The following SMCR8 variants were observed in gnomAD, a reference collection of about 807,000 sequenced individuals.
The protein encoded by SMCR8 is guanine nucleotide exchange protein SMCR8.
SMCR8 carries 30 observed loss-of-function variants against 56.6 expected under a neutral mutation model. That is an observed-to-expected ratio of 0.53 (90% CI 0.40 to 0.72). The LOEUF (loss-of-function observed/expected upper bound fraction) is 0.72. SMCR8 is among the 30% of genes least tolerant of loss of function. The pLI, the probability that SMCR8 is intolerant of heterozygous loss-of-function variation, is 0.00. For synonymous variants in SMCR8, 538 were observed against 456.0 expected (o/e 1.18, Z -2.29); for missense variants, 1,198 against 1,157.0 (o/e 1.04, Z -0.51).
rs1982539250 is a variant in SMCR8, at chr17:18,322,775, G to A, written c.2519G>A (p.Gly840Asp). The change falls in exon 2 of 2, where the codon GGC (glycine) becomes GAC (aspartate). Residue 840 changes from glycine to aspartate, a missense_variant. Gly to Asp is a moderately conservative substitution (Grantham distance 94). Transcript: ENST00000406438. ...LADHRTQIKR[G>D]STYYLHVQSM... is the part of the protein sequence containing the mutation. ...GACCACCGCACACAGATCAAGCGGG[G>A]CAGCACCTACTACCTGCATGTCCAG... 2 of 1,614,044 alleles carry A rather than the reference G, an allele frequency of 1.2e-6. No homozygotes were observed. The highest frequency in any genetic ancestry group is 1.7e-5 in the Admixed American group (1 of 60,012).
chr17:18,323,025 C>G lies in SMCR8; in HGVS notation c.2769C>G (p.Pro923=), dbSNP rs568885274. Residue 923 remains proline, a synonymous_variant, in exon 2 of 2, where the codon CCC becomes CCG. Transcript: ENST00000406438. The part of the protein sequence containing the change: ...YMQESPGTSH[P]MLRFDYVPSF... The stretch of plus-strand genomic sequence containing the variant: ...AGGAATCTCCAGGGACCAGCCACCC[C>G]ATGCTCAGGTTTGACTATGTCCCCA... 3.7e-6 allele frequency: 6 copies of G among 1,614,054 alleles called. No homozygotes were observed. The highest frequency in any genetic ancestry group is 5.1e-6 in the Non-Finnish European group (6 of 1,180,022).
chr17:18,315,763 C>T lies in SMCR8; in HGVS notation c.-27C>T, dbSNP rs759154372. The T allele has an allele frequency of 3.9e-6, 6 of 1,549,270 alleles. No individual in the cohort carries two copies. The South Asian group carries it at 7.3e-5, about 19-fold the overall frequency. Reference sequence around the variant, plus strand: ...CACCGCATTCTTTCCCACTTCCTCTCAATGTTTTCTTCATATATCTGGAAA... The same window carrying T: ...CACCGCATTCTTTCCCACTTCCTCTTAATGTTTTCTTCATATATCTGGAAA... On this transcript the variant is annotated 5_prime_UTR_variant, in exon 1 of 2. Coordinates refer to ENST00000406438, the MANE Select transcript of SMCR8 (RefSeq NM_144775.3).
chr17:18,325,516 T>C lies in SMCR8; in HGVS notation c.*2446T>C, dbSNP rs1173063616. 2.0e-5 allele frequency: 3 copies of C among 152,214 alleles called. No homozygotes were observed. Among genetic ancestry groups the C allele is most frequent in the Non-Finnish European group, 4.4e-5 (3 of 68,040 alleles). The allele number at this position is 152,214 out of a possible 1,614,324, so 9.4% of individuals were successfully genotyped here. ...GACTAGTGTTTAGCTCCCAGATTTATATTTGGGTTAAAAACTAACTTTTCA... is the reference window on the plus strand; with the variant it reads ...GACTAGTGTTTAGCTCCCAGATTTACATTTGGGTTAAAAACTAACTTTTCA... On this transcript the variant is annotated 3_prime_UTR_variant, in exon 2 of 2. Coordinates refer to ENST00000406438, the MANE Select transcript of SMCR8 (RefSeq NM_144775.3).
Position 18,326,099 on chromosome 17 carries a change from G to C in SMCR8, c.*3029G>C, listed in dbSNP as rs375472343. ...ATTTTTCATTTGAGGTATTCTTCCA[G>C]TAGAAGGTTAGTAAGTTTTTAATGA... On this transcript the variant is annotated 3_prime_UTR_variant, in exon 2 of 2. Transcript: ENST00000406438. The C allele has an allele frequency of 6.6e-6, 1 of 152,234 alleles. No individual in the cohort carries two copies. Among genetic ancestry groups the C allele is most frequent in the East Asian group, 1.9e-4 (1 of 5,190 alleles). 9.4% of individuals were successfully genotyped at this position (152,234 alleles called of 1,614,324 possible).
In SMCR8 at chr17:18,317,537, C is replaced by T. The variant is rs776635390; in HGVS notation, c.1748C>T (p.Ser583Phe). 2.6e-5 allele frequency: 42 copies of T among 1,614,006 alleles called. No homozygotes were observed. Among genetic ancestry groups the T allele is most frequent in the Non-Finnish European group, 3.4e-5 (40 of 1,180,042 alleles). ...GAAAACACCCCATCACAAATAGACT[C>T]CTCCTGCTGTATTGGGAAGGAGAGC... The part of the protein sequence containing the change: ...SIENTPSQID[S>F]SCCIGKESDG... Residue 583 changes from serine to phenylalanine, a missense_variant, in exon 1 of 2, where the codon TCC becomes TTC. Physicochemically the swap from Ser to Phe is radical, Grantham distance 155. Transcript: ENST00000406438.
Position 18,317,859 on chromosome 17 carries a change from C to T in SMCR8, c.2070C>T (p.Pro690=), listed in dbSNP as rs118086447. 13 of 1,614,194 alleles carry T rather than the reference C, an allele frequency of 8.1e-6. No homozygotes were observed. In the East Asian group the frequency reaches 2.5e-4, roughly 30 times the overall value. ...CGTCCACCAGCTCAGACAGGATCCCCTCTGCTTATCCTGCTGGCCTGTCTT... is the reference window on the plus strand; with the variant it reads ...CGTCCACCAGCTCAGACAGGATCCCTTCTGCTTATCCTGCTGGCCTGTCTT... ...SVASTSSDRI[P]SAYPAGLSSD... The change falls in exon 1 of 2, where the codon CCC becomes CCT. Residue 690 remains proline, a synonymous_variant. Transcript: ENST00000406438.
Position 18,316,504 on chromosome 17 carries a change from G to A in SMCR8, c.715G>A (p.Val239Met), listed in dbSNP as rs1468661248. The A allele has an allele frequency of 6.2e-7, 1 of 1,614,216 alleles. No homozygotes were observed. The highest frequency in any genetic ancestry group is 8.5e-7 in the Non-Finnish European group (1 of 1,180,046). ...TGAGAAAGCCAATGAACTGGCCAGT[G>A]TGGAGAAGTCCATCATTGAACATCA... ...AIEKANELAS[V>M]EKSIIEHQDL... is the part of the protein sequence containing the mutation. The change falls in exon 1 of 2, where the codon GTG becomes ATG. Residue 239 changes from valine to methionine, a missense_variant. Coordinates refer to ENST00000406438, the MANE Select transcript of SMCR8 (RefSeq NM_144775.3).
At position 18,317,357 on chromosome 17, in the gene SMCR8, G is replaced by T. The variant is rs760465477; in HGVS notation, c.1568G>T (p.Cys523Phe). The T allele has an allele frequency of 1.9e-5, 30 of 1,614,106 alleles. No individual in the cohort carries two copies. In the East Asian group the frequency reaches 5.6e-4, roughly 30 times the overall value. The part of the protein sequence containing the change: ...SEDSIEVLST[C>F]PSEALIPDDF... The stretch of plus-strand genomic sequence containing the variant: ...GACAGTATTGAAGTCCTCAGTACCT[G>T]CCCCTCTGAGGCCCTCATCCCTGAT... Residue 523 changes from cysteine to phenylalanine, a missense_variant, in exon 1 of 2, where the codon TGC becomes TTC. Physicochemically the swap from Cys to Phe is radical, Grantham distance 205 (BLOSUM62 -2). Transcript: ENST00000406438.
chr17:18,322,007 T>G (rs1020186060), intron 1 of SMCR8, among the ~76,000 whole-genome samples: 2 of 151,770 alleles, frequency 1.3e-5, no homozygotes, highest in East Asian at 1.9e-4. Context: ...AAAGAAGAGG[T>G]TTTTTTGTTT....
intron 1 of SMCR8, among the ~76,000 whole-genome samples, chr17:18,320,718 G>T (rs1982472206): frequency 3.3e-5 from 5 of 152,340 alleles, no homozygotes; most frequent in Middle Eastern, 3.4e-3. Context: ...GTTCCTCCAT[G>T]CCTGTGGGAT....
chr17:18,316,240 AG>A lies in SMCR8; in HGVS notation c.453del (p.Arg151SerfsTer33). 1 of 1,613,876 alleles carries A rather than the reference AG, an allele frequency of 6.2e-7. No homozygotes were observed. The highest frequency in any genetic ancestry group is 1.1e-5 in the South Asian group (1 of 91,090). ...CGACCTGGAGGCCCGTGGCTTCGTG[AG>A]GCCGTTTTGCATGGCTTATATCTCT... ...LYDLEARGFV[R>X]PFCMAYISAD... On this transcript the variant is annotated frameshift_variant, in exon 1 of 2. Coordinates refer to ENST00000406438, the MANE Select transcript of SMCR8 (RefSeq NM_144775.3). LOFTEE classifies it high-confidence loss of function.
At chr17:18,321,439 A>G (rs570889377) in intron 1 of SMCR8, among the ~76,000 whole-genome samples, 46 of 152,364 alleles carry the variant, frequency 3.0e-4, no homozygotes, top group African/African-American at 1.1e-3. Flanking sequence ...CCCACTGGTC[A>G]GTGCTAGGCT....
Position 18,316,102 on chromosome 17 carries a change from G to A in SMCR8, c.313G>A (p.Gly105Ser). The change falls in exon 1 of 2, where the codon GGC becomes AGC. Residue 105 changes from glycine (G) to serine (S), a missense_variant. Physicochemically the swap from Gly to Ser is moderately conservative, Grantham distance 56. Coordinates refer to ENST00000406438, the MANE Select transcript of SMCR8 (RefSeq NM_144775.3). Reference protein sequence around the residue: ...MSVDYQASFVGHPPGSAYPKL... With the variant: ...MSVDYQASFVSHPPGSAYPKL... ...TGTGGATTACCAGGCTTCCTTCGTG[G>A]GCCATCCTCCTGGATCTGCCTACCC... 6.2e-7 allele frequency: 1 copy of A among 1,614,100 alleles called. No homozygotes were observed. The highest frequency in any genetic ancestry group is 8.5e-7 in the Non-Finnish European group (1 of 1,180,034).
chr17:18,321,481 A>G (rs1052481533), intron 1 of SMCR8, among the ~76,000 whole-genome samples: 7 of 152,222 alleles, frequency 4.6e-5, no homozygotes, highest in African/African-American at 9.6e-5. Context: ...AGCAGCGCCT[A>G]CCGAGGGCCA....
Position 18,327,619 on chromosome 17 carries a change from A to G in SMCR8, c.*4549A>G, listed in dbSNP as rs949943835. The G allele has an allele frequency of 3.3e-5, 5 of 152,256 alleles. No individual in the cohort carries two copies. The highest frequency in any genetic ancestry group is 1.2e-4 in the African/African-American group (5 of 41,466). The allele number at this position is 152,256 out of a possible 1,614,324, so 9.4% of individuals were successfully genotyped here. Reference sequence around the variant, plus strand: ...ATAGCTGGAGTCACAGATTGAGATAAATGCCACCTTCAAGGTTGCAGTGAA... The same window carrying G: ...ATAGCTGGAGTCACAGATTGAGATAGATGCCACCTTCAAGGTTGCAGTGAA... On this transcript the variant is annotated 3_prime_UTR_variant, in exon 2 of 2. Coordinates refer to ENST00000406438, the MANE Select transcript of SMCR8 (RefSeq NM_144775.3).
intron 1 of SMCR8, among the ~76,000 whole-genome samples, chr17:18,320,195 C>T (rs914735876): frequency 2.0e-5 from 3 of 152,210 alleles, no homozygotes; most frequent in Admixed American, 2.0e-4. Context: ...TTTACCCAGT[C>T]CTCTGTGTCC....
chr17:18,315,720 C>T lies in SMCR8; in HGVS notation c.-70C>T. The T allele has an allele frequency of 7.7e-6, 11 of 1,435,746 alleles. No homozygotes were observed. Among genetic ancestry groups the T allele is most frequent in the South Asian group, 1.4e-5 (1 of 73,582 alleles). 88.9% of individuals were successfully genotyped at this position (1,435,746 alleles called of 1,614,324 possible). A position where few individuals can be genotyped will look rare whatever the true frequency, so the allele number is the denominator to read the frequency against. On this transcript the variant is annotated 5_prime_UTR_variant, in exon 1 of 2. Coordinates refer to ENST00000406438, the MANE Select transcript of SMCR8 (RefSeq NM_144775.3). ...TTCACTTCCTTCTCCGGAGGCCTGC[C>T]TTCTGCGCGTCGATTAACACCGCAT...
Position 18,318,098 on chromosome 17 carries a change from C to T in SMCR8, c.2309C>T (p.Ser770Phe), listed in dbSNP as rs773260663. ...YAKPVKHWAS[S>F]PLHIMDFQKW... ...AAGCCCGTGAAACATTGGGCCTCCTCCCCTTTGCACATTATGGATTTTCAG... is the reference window on the plus strand; with the variant it reads ...AAGCCCGTGAAACATTGGGCCTCCTTCCCTTTGCACATTATGGATTTTCAG... The change falls in exon 1 of 2, where the codon TCC becomes TTC. Residue 770 changes from serine (S) to phenylalanine (F), a missense_variant. By Grantham distance (155) the Ser-to-Phe change is radical (BLOSUM62 -2). Coordinates refer to ENST00000406438, the MANE Select transcript of SMCR8 (RefSeq NM_144775.3). The T allele has an allele frequency of 3.1e-6, 5 of 1,613,910 alleles. No homozygotes were observed. In the Middle Eastern group the frequency reaches 8.2e-4, roughly 265 times the overall value.
rs1220453550 is a variant in SMCR8, at chr17:18,316,004, TACTG to T, written c.218_221del (p.Leu73ProfsTer42). 5 of 1,614,162 alleles carry T rather than the reference TACTG, an allele frequency of 3.1e-6. No homozygotes were observed. The highest frequency in any genetic ancestry group is 2.5e-6 in the Non-Finnish European group (3 of 1,180,036). ...TCTGAGCAGGTGGGACCCCAACCCTTACTGACCATCCCCAATGACACCAAAGTTT... is the reference window on the plus strand; with the variant it reads ...TCTGAGCAGGTGGGACCCCAACCCTTACCATCCCCAATGACACCAAAGTTT... On this transcript the variant is annotated frameshift_variant, in exon 1 of 2. Transcript: ENST00000406438. LOFTEE classifies it high-confidence loss of function.
Sources: allele counts gnomAD v4.1 joint callset (sites outside exome capture counted in the v4.1 genomes callset), GRCh38; gene constraint gnomAD v4.1.1; transcripts MANE v1.5; gene names NCBI Gene and HGNC (gene_info 2026-07-23, HGNC 2026-07-21).